INVS: variants seen among roughly 807,000 people sequenced by gnomAD.
The protein encoded by INVS is inversion of embryo turning homolog.
Under a neutral mutation model 108.8 loss-of-function variants are expected in INVS, and 86 were observed. That is an observed-to-expected ratio of 0.79 (90% CI 0.66 to 0.95). INVS has a LOEUF of 0.95. Ranked by LOEUF, INVS falls within the 40% of genes least tolerant of loss-of-function variation. The pLI, the probability that INVS is intolerant of heterozygous loss-of-function variation, is 0.00. For missense variants in INVS, 1,169 were observed against 1,297.4 expected (o/e 0.90, Z 1.52); for synonymous variants, 455 against 473.5 (o/e 0.96, Z 0.51).
chr9:100,225,844 A>G (rs1252092257), intron 3 of INVS, among the ~76,000 whole-genome samples: 1 of 152,226 alleles, frequency 6.6e-6, no homozygotes. Context: ...TTGGCCAGCC[A>G]CTATGTAAAT....
intron 3 of INVS, chr9:100,130,684 T>C (rs1376596161): frequency 1.3e-5 from 2 of 152,200 alleles, no homozygotes; most frequent in Non-Finnish European, 2.9e-5. Context: ...AATTCTGGTA[T>C]CCATGAATGC....
intron 3 of INVS, among the ~76,000 whole-genome samples, chr9:100,221,000 C>G (rs78129739): frequency 0.026 from 3,997 of 151,732 alleles, 75 homozygotes; most frequent in Non-Finnish European, 0.038. Context: ...AGATTAACTT[C>G]CAAATCCTCC....
intron 2 of INVS, among the ~76,000 whole-genome samples, chr9:100,107,047 C>T (rs73656939): frequency 6.6e-6 from 1 of 152,156 alleles, no homozygotes; most frequent in Non-Finnish European, 1.5e-5. Flanking sequence ...ACTTATTTAC[C>T]TTAATTCACT....
intron 3 of INVS, among the ~76,000 whole-genome samples, chr9:100,217,518 T>G (rs888856942): frequency 1.3e-5 from 2 of 152,182 alleles, no homozygotes; most frequent in Admixed American, 6.5e-5. Context: ...CTTATCTGTT[T>G]GCATGAGTTT....
Position 100,100,901 on chromosome 9 carries a change from ATGTATATATAT to A in INVS, c.-25+1487_-25+1497del, listed in dbSNP as rs1287614222. 2.5e-4 allele frequency among the ~76,000 whole-genome samples: 13 copies of A among 52,966 alleles called. 3 individuals are homozygous for A. Among genetic ancestry groups the A allele is most frequent in the African/African-American group, 1.5e-3 (13 of 8,664 alleles). The allele number at this position is 52,966 out of a possible 152,430, so 34.7% of individuals were successfully genotyped here. On this transcript the variant is annotated intron_variant, in intron 1 of 16. Transcript: ENST00000262457. Reference sequence around the variant, plus strand: ...TATGTATATATAATATATATTATATATGTATATATATTATATGTATATATATAATATATATA... The same window carrying A: ...TATGTATATATAATATATATTATATATATATGTATATATATAATATATATA...
chr9:100,171,564 G>A (rs1442317205), intron 3 of INVS, among the ~76,000 whole-genome samples: 1 of 152,092 alleles, frequency 6.6e-6, no homozygotes, highest in Non-Finnish European at 1.5e-5. Flanking sequence ...TAAGTAAAGT[G>A]GGATCAGACC....
At chr9:100,151,624 T>TGAG (rs1297535201) in intron 3 of INVS, among the ~76,000 whole-genome samples, 7 of 152,180 alleles carry the variant, frequency 4.6e-5, no homozygotes, top group Non-Finnish European at 7.3e-5. Flanking sequence ...CTGAATGAGA[T>TGAG]GAGGAGGGTT....
chr9:100,156,293 C>T (rs893587902), intron 3 of INVS, among the ~76,000 whole-genome samples: 1 of 143,772 alleles, frequency 7.0e-6, no homozygotes, highest in African/African-American at 2.6e-5. Flanking sequence ...CAGGGTCTCA[C>T]TCTGTCTCTC....
chr9:100,257,488 G>T (rs886665434), intron 10 of INVS, among the ~76,000 whole-genome samples: 1 of 152,220 alleles, frequency 6.6e-6, no homozygotes, highest in Non-Finnish European at 1.5e-5. Context: ...AGTTGATGCA[G>T]TTTCTTCTTA....
chr9:100,273,199 C>T lies in INVS; in HGVS notation c.1784+123C>T, dbSNP rs957969871. 13 of 763,394 alleles carry T rather than the reference C, an allele frequency of 1.7e-5. No homozygotes were observed. The East Asian group carries it at 3.4e-4, about 20-fold the overall frequency. 47.3% of individuals were successfully genotyped at this position (763,394 alleles called of 1,614,324 possible). ...TGAGAATCTGAATTACTGTTGGTCC[C>T]TGCAACCGGTCATCTTCCCTCTTCT... On this transcript the variant is annotated intron_variant, in intron 12 of 16. Coordinates refer to ENST00000262457, the MANE Select transcript of INVS (RefSeq NM_014425.5).
rs146309851 is a variant in INVS at position 100,212,692 on chromosome 9, C to T, written c.274-13370C>T. Among the ~76,000 whole-genome samples, 439 of 152,224 alleles carry T rather than the reference C, an allele frequency of 2.9e-3. 1 individual carries two copies. Among genetic ancestry groups the T allele is most frequent in the Non-Finnish European group, 5.2e-3 (352 of 68,006 alleles). ...TCTTATGTATTTCACTGATCTCTTC[C>T]CTTATTTCCATTTAGCTCTCAACAT... On this transcript the variant is annotated intron_variant, in intron 3 of 16. Transcript: ENST00000262457.
rs1826730844 is a variant in INVS, at chr9:100,099,280, G to A, written c.-161G>A. ...GGCCGAAAGCCTCGGGCGGCCTTTT[G>A]AGGGGCTCGGCTAGCTTCAGCGCCG... On this transcript the variant is annotated 5_prime_UTR_variant, in exon 1 of 17. The change abolishes the stop of an existing upstream ORF in the 5' untranslated region. Transcript: ENST00000262457. The A allele has an allele frequency of 6.2e-6, 1 of 161,794 alleles. No individual in the cohort carries two copies. The highest frequency in any genetic ancestry group is 1.3e-4 in the South Asian group (1 of 7,640). 10.0% of individuals were successfully genotyped at this position (161,794 alleles called of 1,614,324 possible).
Position 100,246,597 on chromosome 9 carries a change from A to G in INVS, c.907-19A>G. On this transcript the variant is annotated intron_variant, in intron 7 of 16. Coordinates refer to ENST00000262457, the MANE Select transcript of INVS (RefSeq NM_014425.5). ...TACTACTGTTTTGTCTCCATTTTTT[A>G]AATCAAGTTTTCTTACAGGAAACGG... 1 of 1,593,946 alleles carries G rather than the reference A, an allele frequency of 6.3e-7. No individual in the cohort carries two copies. The highest frequency in any genetic ancestry group is 8.6e-7 in the Non-Finnish European group (1 of 1,162,240).
intron 3 of INVS, among the ~76,000 whole-genome samples, chr9:100,177,054 C>T (rs936732126): frequency 6.6e-6 from 1 of 151,896 alleles, no homozygotes; most frequent in Non-Finnish European, 1.5e-5. Flanking sequence ...CAAGGGAAAC[C>T]GTGAGGCACT....
At chr9:100,141,638 C>G (rs1262612946) in intron 3 of INVS, among the ~76,000 whole-genome samples, 2 of 152,122 alleles carry the variant, frequency 1.3e-5, no homozygotes, top group South Asian at 4.1e-4. Flanking sequence ...TTTTCTGACT[C>G]GGGGCACGTG....
chr9:100,185,876 A>G (rs950812374), intron 3 of INVS, among the ~76,000 whole-genome samples: 1 of 151,958 alleles, frequency 6.6e-6, no homozygotes. Context: ...CAAGGACATT[A>G]TTTCTTCCTT....
intron 3 of INVS, among the ~76,000 whole-genome samples, chr9:100,215,212 A>G (rs547267671): frequency 1.3e-5 from 2 of 152,330 alleles, no homozygotes; most frequent in South Asian, 2.1e-4. Context: ...GTAAACCCAA[A>G]TTAAGCTTGA....
At chr9:100,289,518 A>C (rs901636142) in intron 13 of INVS, among the ~76,000 whole-genome samples, 15 of 152,258 alleles carry the variant, frequency 9.9e-5, no homozygotes, top group Non-Finnish European at 1.5e-4. Flanking sequence ...CCCATGGGCT[A>C]CCTGGGCAGT....
rs1831305488 is a variant in INVS, at chr9:100,226,015, G to T, written c.274-47G>T. ...ACATTTTAAAATTAAAAAAAATTTT[G>T]ACCCCATAGTACATTTTTTTCTTAT... On this transcript the variant is annotated intron_variant, in intron 3 of 16. Transcript: ENST00000262457. The T allele has an allele frequency of 2.2e-6, 3 of 1,392,814 alleles. No individual in the cohort carries two copies. In the East Asian group the frequency reaches 7.2e-5, roughly 33 times the overall value. The allele number at this position is 1,392,814 out of a possible 1,614,324, so 86.3% of individuals were successfully genotyped here.
Sources: gnomAD v4.1 joint callset for allele counts (sites outside exome capture counted in the v4.1 genomes callset) on GRCh38, gnomAD v4.1.1 for gene constraint, MANE v1.5 for transcripts, NCBI Gene and HGNC (gene_info 2026-07-23, HGNC 2026-07-21) for gene names.